Variants in KCNAB1 observed in about 807,000 individuals in gnomAD.
KCNAB1 encodes the protein voltage-gated potassium channel subunit beta-1.
KCNAB1 carries 35 observed loss-of-function variants against 64.6 expected under a neutral mutation model. That is an observed-to-expected ratio of 0.54 (90% CI 0.41 to 0.72). The LOEUF is 0.72. Ranked by LOEUF, KCNAB1 falls within the 30% of genes least tolerant of loss-of-function variation. The probability of loss-of-function intolerance (pLI) is 0.00; values close to 1 mark genes in which losing one functional copy is unlikely to be tolerated. For synonymous variants in KCNAB1, 177 were observed against 183.8 expected (o/e 0.96, Z 0.30); for missense variants, 401 against 512.9 (o/e 0.78, Z 2.11).
chr3:156,151,193 C>T (rs749680114), intron 1 of KCNAB1, among the ~76,000 whole-genome samples: 6 of 152,192 alleles, frequency 3.9e-5, no homozygotes, highest in Non-Finnish European at 5.9e-5. Context: ...GTCTTGTGGG[C>T]CTGGCTCATC....
intron 1 of KCNAB1, among the ~76,000 whole-genome samples, chr3:156,143,575 T>TGG (rs1333101847): frequency 4.8e-3 from 83 of 17,192 alleles, no homozygotes; most frequent in Non-Finnish European, 6.7e-3. Flanking sequence ...TCTTGTTTTT[T>TGG]TTTTTTTTTT....
intron 1 of KCNAB1, among the ~76,000 whole-genome samples, chr3:156,285,263 TTAGA>T (rs1270989050): frequency 6.6e-6 from 1 of 152,214 alleles, no homozygotes; most frequent in Non-Finnish European, 1.5e-5. Flanking sequence ...GTTAAGGTCT[TTAGA>T]TAAATCTCTT....
intron 1 of KCNAB1, among the ~76,000 whole-genome samples, chr3:156,415,902 T>C (rs576642975): frequency 6.6e-6 from 1 of 152,112 alleles, no homozygotes; most frequent in Admixed American, 6.5e-5. Context: ...GGATATTCAG[T>C]CCCCACGAGA....
At chr3:156,261,687 GTTC>G (rs1038854337) in intron 1 of KCNAB1, among the ~76,000 whole-genome samples, 5 of 151,868 alleles carry the variant, frequency 3.3e-5, no homozygotes, top group African/African-American at 1.2e-4. Flanking sequence ...AGTTCTCTTT[GTTC>G]TTCTTCAAAT....
chr3:156,164,087 C>T (rs1212781747), intron 1 of KCNAB1, among the ~76,000 whole-genome samples: 1 of 152,138 alleles, frequency 6.6e-6, no homozygotes, highest in East Asian at 1.9e-4. Flanking sequence ...GGGAGTGGTG[C>T]CTTTCAGAAT....
chr3:156,367,764 C>A (rs1726040283), intron 1 of KCNAB1, among the ~76,000 whole-genome samples: 1 of 152,172 alleles, frequency 6.6e-6, no homozygotes, highest in Admixed American at 6.5e-5. Flanking sequence ...GGCAAATAAG[C>A]CAGAAATGCA....
At chr3:156,179,428 A>ACC (rs1560123122) in intron 1 of KCNAB1, among the ~76,000 whole-genome samples, 1,612 of 91,292 alleles carry the variant, frequency 0.018, 4 homozygotes, top group Admixed American at 0.03. Context: ...CCCCCCCCCC[A>ACC]CCCCCTCACC....
intron 1 of KCNAB1, among the ~76,000 whole-genome samples, chr3:156,131,841 T>C (rs1030518348): frequency 1.9e-4 from 29 of 152,218 alleles, no homozygotes; most frequent in African/African-American, 7.0e-4. Flanking sequence ...TTCTGTCATC[T>C]TCATCTTTTG....
At chr3:156,226,800 G>GC (rs1716208212) in intron 1 of KCNAB1, among the ~76,000 whole-genome samples, 1 of 152,160 alleles carries the variant, frequency 6.6e-6, no homozygotes, top group African/African-American at 2.4e-5. Context: ...ACACCCCACA[G>GC]CCAAGCCCAG....
Position 156,508,982 on chromosome 3 carries a change from A to G in KCNAB1, c.659-5382A>G, listed in dbSNP as rs955244054. Among the ~76,000 whole-genome samples, 2 of 152,178 alleles carry G rather than the reference A, an allele frequency of 1.3e-5. No individual in the cohort carries two copies. Among genetic ancestry groups the G allele is most frequent in the African/African-American group, 4.8e-5 (2 of 41,440 alleles). On this transcript the variant is annotated intron_variant, in intron 8 of 13. Transcript: ENST00000490337. This position sits in a 1 kb window ranked among gnomAD's most constrained non-coding sequence, Gnocchi z 4.1. ...GATTGAGAGCTAATGAAACTAATAC[A>G]AAGGCCCTGGCTCACTGAAGGAGGC...
intron 11 of KCNAB1, among the ~76,000 whole-genome samples, chr3:156,520,846 G>C (rs1717897018): frequency 6.6e-6 from 1 of 152,138 alleles, no homozygotes; most frequent in South Asian, 2.1e-4. Context: ...AACGATCTTG[G>C]TTGTTAAATT....
intron 1 of KCNAB1, among the ~76,000 whole-genome samples, chr3:156,203,033 G>A (rs949126885): frequency 1.4e-4 from 22 of 152,156 alleles, no homozygotes; most frequent in African/African-American, 5.3e-4. Context: ...TTTGGTATTA[G>A]TGGTGTGATA....
intron 1 of KCNAB1, among the ~76,000 whole-genome samples, chr3:156,357,738 C>CA (rs1560214912): frequency 1.3e-5 from 2 of 150,998 alleles, no homozygotes; most frequent in Admixed American, 6.6e-5. Flanking sequence ...AATCATATAT[C>CA]ATGATTCAGA....
intron 8 of KCNAB1, among the ~76,000 whole-genome samples, chr3:156,477,377 A>G (rs1022323976): frequency 3.3e-5 from 5 of 152,134 alleles, no homozygotes; most frequent in Non-Finnish European, 7.3e-5. Context: ...GTGTCAAACA[A>G]TGGAGATTCG....
intron 13 of KCNAB1, among the ~76,000 whole-genome samples, chr3:156,533,966 T>G (rs979211122): frequency 1.3e-5 from 2 of 152,138 alleles, no homozygotes; most frequent in African/African-American, 4.8e-5. Flanking sequence ...TCCCAAAACA[T>G]TTCCTCCCTA....
intron 1 of KCNAB1, among the ~76,000 whole-genome samples, chr3:156,309,325 A>C (rs978272590): frequency 5.3e-5 from 8 of 152,236 alleles, no homozygotes; most frequent in African/African-American, 1.9e-4. Context: ...TATTAGCCTG[A>C]ATGAAGCTGC....
At chr3:156,182,625 T>TC (rs1320660997) in intron 1 of KCNAB1, among the ~76,000 whole-genome samples, 1 of 146,730 alleles carries the variant, frequency 6.8e-6, no homozygotes, top group African/African-American at 2.5e-5. Context: ...GGTTGGTTTT[T>TC]TTTTCCCCCC....
At chr3:156,494,524 G>A (rs1715862158) in intron 8 of KCNAB1, among the ~76,000 whole-genome samples, 3 of 152,232 alleles carry the variant, frequency 2.0e-5, no homozygotes, top group South Asian at 4.1e-4. Context: ...ATGAGTGAAG[G>A]ACAGCTTGGG....
At chr3:156,254,604 G>A (rs1381692067) in intron 1 of KCNAB1, among the ~76,000 whole-genome samples, 1 of 152,226 alleles carries the variant, frequency 6.6e-6, no homozygotes, top group Non-Finnish European at 1.5e-5. Flanking sequence ...TGTGAACTCT[G>A]CAGAAGGGAG....
Sources: gnomAD v4.1 joint callset for allele counts (sites outside exome capture counted in the v4.1 genomes callset) on GRCh38, gnomAD v4.1.1 for gene constraint, Gnocchi (gnomAD v3.1) non-coding constraint, MANE v1.5 for transcripts, NCBI Gene and HGNC (gene_info 2026-07-23, HGNC 2026-07-21) for gene names.